Variants in ATP2B2 observed in about 807,000 individuals in gnomAD.
ATP2B2 encodes the protein ATPase plasma membrane Ca2+ transporting 2, also known as plasma membrane calcium-transporting ATPase 2.
ATP2B2 carries 15 observed loss-of-function variants against 120.0 expected under a neutral mutation model. The ratio of observed to expected loss-of-function variants is 0.12; its 90% CI spans 0.08 to 0.19. ATP2B2 has a LOEUF of 0.19. ATP2B2 is among the 10% of genes least tolerant of loss of function. The pLI is 1.00. For synonymous variants in ATP2B2, 694 were observed against 700.3 expected, an observed-to-expected ratio of 0.99 and a Z score of 0.14; for missense variants, 1,045 against 1,719.8, an observed-to-expected ratio of 0.61 and a Z score of 6.94.
At chr3:10,630,878 G>T (rs1239467045) in intron 1 of ATP2B2, among the ~76,000 whole-genome samples, 1 of 152,124 alleles carries the variant, frequency 6.6e-6, no homozygotes, top group Non-Finnish European at 1.5e-5. Context: ...CAGCCAGTGG[G>T]AGGCAGGGCT....
Position 10,338,270 on chromosome 3 carries a change from A to G in ATP2B2, c.3326T>C (p.Leu1109Pro). 2 of 1,613,930 alleles carry G rather than the reference A, an allele frequency of 1.2e-6. No individual in the cohort carries two copies. The highest frequency in any genetic ancestry group is 1.7e-6 in the Non-Finnish European group (2 of 1,179,894). ...TQKEEIPEEE[L>P]NEDVEEIDHA... The stretch of plus-strand genomic sequence containing the variant: ...GTCGATCTCCTCCACGTCCTCGTTG[A>G]GCTCCTCCTCCGGGATCTCCTCCTT... The change falls in exon 22 of 23, where the codon CTC becomes CCC. Residue 1109 changes from leucine (L) to proline (P), a missense_variant. Leu to Pro is a moderately conservative substitution (Grantham distance 98). Around this residue, in one of 11 missense-constraint regions of ATP2B2, gnomAD observed 211 missense variants for 385.1 expected, o/e 0.55. Transcript: ENST00000360273.
chr3:10,557,398 T>C (rs1296216428), intron 2 of ATP2B2, among the ~76,000 whole-genome samples: 2 of 152,250 alleles, frequency 1.3e-5, no homozygotes, highest in African/African-American at 4.8e-5. Context: ...CTGGGCTGCC[T>C]GGACGAAGCT....
At position 10,606,939 on chromosome 3, in the gene ATP2B2, GGAGAGGGAGAGGGGGA is replaced by G. The variant is rs1270076502; in HGVS notation, c.-415+12962_-415+12977del. 4.8e-4 allele frequency among the ~76,000 whole-genome samples: 34 copies of G among 70,880 alleles called. No individual in the cohort carries two copies. In the Middle Eastern group the frequency reaches 0.043, roughly 89 times the overall value. The allele number at this position is 70,880 out of a possible 152,430, so 46.5% of individuals were successfully genotyped here. The stretch of plus-strand genomic sequence containing the variant: ...GAGAGAGAGAGAGAGAGAGAGAGAG[GGAGAGGGAGAGGGGGA>G]GGGGGGGAGAGAGAGAGAGAGAGAA... On this transcript the variant is annotated intron_variant, in intron 2 of 21. Coordinates refer to the ATP2B2 transcript ENST00000646379.
At chr3:10,600,752 AG>A (rs2068887118) in intron 2 of ATP2B2, among the ~76,000 whole-genome samples, 1 of 152,102 alleles carries the variant, frequency 6.6e-6, no homozygotes, top group African/African-American at 2.4e-5. Context: ...AACTGTCCTG[AG>A]GGCACCTGGG....
intron 1 of ATP2B2, among the ~76,000 whole-genome samples, chr3:10,491,864 A>G (rs1443936668): frequency 6.6e-6 from 1 of 152,252 alleles, no homozygotes; most frequent in Non-Finnish European, 1.5e-5. Flanking sequence ...CCATGAAGAA[A>G]GAAAAAAGGA....
chr3:10,356,690 C>T (rs2060741056), intron 14 of ATP2B2, among the ~76,000 whole-genome samples: 1 of 152,142 alleles, frequency 6.6e-6, no homozygotes, highest in Non-Finnish European at 1.5e-5. Flanking sequence ...AGGGTGTAGG[C>T]AGGCCAGCCT....
chr3:10,471,398 G>A (rs2064995062), intron 1 of ATP2B2, among the ~76,000 whole-genome samples: 1 of 148,072 alleles, frequency 6.8e-6, no homozygotes, highest in Non-Finnish European at 1.5e-5. Context: ...GTGTGTGTGT[G>A]TTTGTGTGCG....
chr3:10,513,289 C>T (rs145636174), intron 3 of ATP2B2, among the ~76,000 whole-genome samples: 71 of 152,070 alleles, frequency 4.7e-4, no homozygotes, highest in African/African-American at 1.6e-3. Context: ...GCAGTGTTGC[C>T]GACAAAGGGT....
At chr3:10,663,992 G>A (rs764939048) in intron 1 of ATP2B2, among the ~76,000 whole-genome samples, 1 of 152,062 alleles carries the variant, frequency 6.6e-6, no homozygotes, top group African/African-American at 2.4e-5. Flanking sequence ...CAAAGCCTGC[G>A]ACCCCACAGG....
chr3:10,521,589 C>A lies in ATP2B2; in HGVS notation c.-320+12450G>T, dbSNP rs74479296. 7.6e-3 allele frequency among the ~76,000 whole-genome samples: 1,160 copies of A among 152,178 alleles called. 7 individuals are homozygous for A. Among genetic ancestry groups the A allele is most frequent in the Non-Finnish European group, 0.014 (923 of 68,008 alleles). On this transcript the variant is annotated intron_variant, in intron 3 of 21. Transcript: ENST00000646379. ...CCAAGTCCAACCAATATAGAAGCAG[C>A]GAGAGTGTGGAAACTGTGTAAAGTG...
intron 4 of ATP2B2, among the ~76,000 whole-genome samples, chr3:10,401,803 G>A (rs2062230042): frequency 6.6e-6 from 1 of 152,218 alleles, no homozygotes; most frequent in African/African-American, 2.4e-5. Flanking sequence ...GCTGTATCCA[G>A]GCTCTGAGCT....
intron 1 of ATP2B2, among the ~76,000 whole-genome samples, chr3:10,472,983 A>G (rs1312063655): frequency 6.6e-6 from 1 of 152,192 alleles, no homozygotes; most frequent in East Asian, 1.9e-4. Context: ...TGTTGAACCA[A>G]GATCTGATCT....
chr3:10,373,186 T>C (rs1259950392), intron 11 of ATP2B2, among the ~76,000 whole-genome samples: 2 of 152,252 alleles, frequency 1.3e-5, no homozygotes, highest in Non-Finnish European at 2.9e-5. Context: ...TGTGAATTAC[T>C]TCTTGTCCGA....
intron 4 of ATP2B2, 49 bp from the exon 5 acceptor site, chr3:10,401,127 G>A (rs2124965416): frequency 6.2e-7 from 1 of 1,609,116 alleles, no homozygotes; most frequent in South Asian, 1.1e-5. Context: ...GGTGACTAGA[G>A]GGCTGGAACA....
chr3:10,411,451 C>T (rs116543645), intron 2 of ATP2B2, among the ~76,000 whole-genome samples: 1,597 of 152,292 alleles, frequency 0.01, 29 homozygotes, highest in African/African-American at 0.035. Context: ...CTCCTACAGC[C>T]GCCTTGCGCT....
At position 10,666,295 on chromosome 3, in the gene ATP2B2, C is replaced by A. The variant is rs146172903; in HGVS notation, c.-460+41620G>T. 4.9e-3 allele frequency among the ~76,000 whole-genome samples: 740 copies of A among 152,316 alleles called. 4 individuals carry two copies. The highest frequency in any genetic ancestry group is 0.016 in the African/African-American group (680 of 41,572). On this transcript the variant is annotated intron_variant, in intron 1 of 21. Transcript: ENST00000646379. ...AGATGACCAGAGTGGGCACGGGCAG[C>A]AACTGTTTCCTTCGGGGGTAAAAGC...
At chr3:10,443,561 C>T (rs1434884753) in intron 2 of ATP2B2, among the ~76,000 whole-genome samples, 1 of 152,114 alleles carries the variant, frequency 6.6e-6, no homozygotes, top group Non-Finnish European at 1.5e-5. Context: ...CTGCCGGAGC[C>T]CCCATGTGCT....
intron 22 of ATP2B2, among the ~76,000 whole-genome samples, chr3:10,334,290 C>T (rs543308621): frequency 4.6e-5 from 7 of 152,300 alleles, no homozygotes; most frequent in Non-Finnish European, 7.4e-5. Flanking sequence ...CAGCCCCAGC[C>T]GGAGGGCCGC....
At chr3:10,582,748 G>A (rs955633969) in intron 2 of ATP2B2, among the ~76,000 whole-genome samples, 5 of 152,180 alleles carry the variant, frequency 3.3e-5, no homozygotes, top group African/African-American at 1.2e-4. Context: ...CTAAGAGAAG[G>A]GCAGGGCCCT....
Sources: gnomAD v4.1 joint callset for allele counts (sites outside exome capture counted in the v4.1 genomes callset) on GRCh38, gnomAD v4.1.1 for gene constraint, gnomAD v4.1.1 regional missense constraint, MANE v1.5 for transcripts, NCBI Gene and HGNC (gene_info 2026-07-23, HGNC 2026-07-21) for gene names.